SEMA3E: variants seen among roughly 807,000 people sequenced by gnomAD.
SEMA3E encodes semaphorin-3E.
In SEMA3E, 49 loss-of-function variants were observed where a neutral mutation model predicts 93.6. That is an observed-to-expected ratio of 0.52 (90% CI 0.42 to 0.66). SEMA3E has a LOEUF of 0.66. Among genes scored for constraint, SEMA3E ranks in the 30% least tolerant of loss-of-function variants. SEMA3E has a pLI of 0.00. For missense variants in SEMA3E, 906 were observed against 964.8 expected (o/e 0.94, Z 0.81); for synonymous variants, 363 against 330.7 (o/e 1.10, Z -1.06).
At chr7:83,536,059 A>G (rs1200143899) in intron 1 of SEMA3E, among the ~76,000 whole-genome samples, 1 of 152,146 alleles carries the variant, frequency 6.6e-6, no homozygotes, top group South Asian at 2.1e-4. Flanking sequence ...GAAGCAGCCA[A>G]AATGTCTACT....
chr7:83,637,634 C>A (rs1440855933), intron 1 of SEMA3E, among the ~76,000 whole-genome samples: 1 of 151,962 alleles, frequency 6.6e-6, no homozygotes, highest in Non-Finnish European at 1.5e-5. Flanking sequence ...GGCTTTTCAC[C>A]TTTTGCTCTG....
intron 1 of SEMA3E, among the ~76,000 whole-genome samples, chr7:83,633,315 T>C (rs544145861): frequency 4.8e-4 from 73 of 152,290 alleles, no homozygotes; most frequent in Non-Finnish European, 9.1e-4. Flanking sequence ...CATTTAATCC[T>C]TACTATAACC....
rs905563191 is a variant in SEMA3E at position 83,487,555 on chromosome 7, GAGAGAGAGAAGAAAA to G, written c.276+2544_276+2558del. On this transcript the variant is annotated intron_variant, in intron 2 of 16. Transcript: ENST00000643230. ...GAGTAAGTAGATGGTATCAGAGAGA[GAGAGAGAGAAGAAAA>G]AGAGAGAGAAGAAAAAGAAAGAGAT... Among the ~76,000 whole-genome samples, 281 of 152,072 alleles carry G rather than the reference GAGAGAGAGAAGAAAA, an allele frequency of 1.8e-3. 1 individual carries two copies. The highest frequency in any genetic ancestry group is 6.1e-3 in the African/African-American group (251 of 41,476).
chr7:83,466,674 TC>T, intron 3 of SEMA3E, 73 bp from the exon 4 acceptor site: 1 of 1,576,688 alleles, frequency 6.3e-7, no homozygotes, highest in Non-Finnish European at 8.6e-7. Flanking sequence ...TTTTTGTTTT[TC>T]CTAGCCCTAG....
chr7:83,447,443 C>G (rs1160024986), intron 4 of SEMA3E, among the ~76,000 whole-genome samples: 3 of 152,090 alleles, frequency 2.0e-5, no homozygotes, highest in African/African-American at 7.2e-5. Flanking sequence ...GAGGCCGAGG[C>G]AGGAAAATCG....
chr7:83,463,445 G>A (rs1254659680), intron 4 of SEMA3E, among the ~76,000 whole-genome samples: 4 of 152,192 alleles, frequency 2.6e-5, no homozygotes, highest in African/African-American at 9.6e-5. Flanking sequence ...CTGCTCCCCG[G>A]CTCCTTCAGC....
chr7:83,632,135 A>C (rs1184705939), intron 1 of SEMA3E, among the ~76,000 whole-genome samples: 1 of 151,656 alleles, frequency 6.6e-6, no homozygotes, highest in Non-Finnish European at 1.5e-5. Flanking sequence ...AGCCTGGGCA[A>C]CAAAGGTGGA....
intron 2 of SEMA3E, among the ~76,000 whole-genome samples, chr7:83,469,748 G>A (rs10261533): frequency 0.68 from 103,496 of 151,892 alleles, 36,893 homozygotes; most frequent in Non-Finnish European, 0.79. Context: ...GACTTATAAT[G>A]TATCATCCAG....
chr7:83,441,415 T>C (rs1049295359), intron 4 of SEMA3E, among the ~76,000 whole-genome samples: 2 of 152,188 alleles, frequency 1.3e-5, no homozygotes, highest in African/African-American at 2.4e-5. Context: ...TCAAAATGTA[T>C]GTTAGCACTA....
chr7:83,450,209 C>T (rs2723021), intron 4 of SEMA3E, among the ~76,000 whole-genome samples: 95,437 of 152,024 alleles, frequency 0.63, 33,486 homozygotes, highest in East Asian at 1. Context: ...AATGGTTTAG[C>T]AGTATTTACT....
intron 1 of SEMA3E, among the ~76,000 whole-genome samples, chr7:83,564,982 A>AAAC (rs1300767568): frequency 6.6e-6 from 1 of 152,204 alleles, no homozygotes; most frequent in African/African-American, 2.4e-5. Flanking sequence ...GAGAAGAATC[A>AAAC]AACAGACACA....
intron 2 of SEMA3E, among the ~76,000 whole-genome samples, chr7:83,485,808 A>T (rs1202793837): frequency 1.3e-5 from 2 of 152,028 alleles, no homozygotes; most frequent in Admixed American, 1.3e-4. Context: ...CTGCAATGGG[A>T]TTGGTGATAT....
At chr7:83,432,416 C>T (rs2713159) in intron 4 of SEMA3E, among the ~76,000 whole-genome samples, 110,882 of 151,964 alleles carry the variant, frequency 0.73, 41,089 homozygotes, top group East Asian at 1. Context: ...GTTATAATAA[C>T]GTCTGGGAGT....
intron 1 of SEMA3E, among the ~76,000 whole-genome samples, chr7:83,540,267 T>G (rs1791493453): frequency 6.6e-6 from 1 of 152,222 alleles, no homozygotes; most frequent in South Asian, 2.1e-4. Flanking sequence ...ATATGTATAT[T>G]ATTCTAGATC....
intron 1 of SEMA3E, among the ~76,000 whole-genome samples, chr7:83,515,958 C>T (rs536321481): frequency 1.2e-4 from 19 of 152,148 alleles, no homozygotes; most frequent in African/African-American, 4.1e-4. Flanking sequence ...ACATGGGAGG[C>T]GGAGGTTGCA....
chr7:83,486,422 T>A (rs535297693), intron 2 of SEMA3E, among the ~76,000 whole-genome samples: 2 of 151,910 alleles, frequency 1.3e-5, no homozygotes, highest in Admixed American at 6.6e-5. Flanking sequence ...GGGAGAGATT[T>A]AAAAAAAATG....
intron 11 of SEMA3E, 136 bp downstream of exon 11, chr7:83,399,892 T>C: frequency 1.3e-6 from 1 of 754,280 alleles, no homozygotes; most frequent in Non-Finnish European, 2.3e-6. Flanking sequence ...TTTCAATCTT[T>C]CTCATTTTGG....
chr7:83,622,173 G>T (rs1387013835), intron 1 of SEMA3E, among the ~76,000 whole-genome samples: 2 of 151,894 alleles, frequency 1.3e-5, no homozygotes, highest in Non-Finnish European at 2.9e-5. Flanking sequence ...GTGGGCAAAG[G>T]ACATGAATAG....
chr7:83,479,527 A>C (rs993266858), intron 2 of SEMA3E, among the ~76,000 whole-genome samples: 2 of 152,250 alleles, frequency 1.3e-5, no homozygotes, highest in African/African-American at 4.8e-5. Context: ...CTATGGTAGC[A>C]CATTAGAATC....
Sources: gnomAD v4.1 joint callset for allele counts (sites outside exome capture counted in the v4.1 genomes callset) on GRCh38, gnomAD v4.1.1 for gene constraint, MANE v1.5 for transcripts, NCBI Gene and HGNC (gene_info 2026-07-23, HGNC 2026-07-21) for gene names.